Variants in ADAMTS16 observed in about 807,000 individuals in gnomAD.
ADAMTS16 encodes ADAM metallopeptidase with thrombospondin type 1 motif 16.
Under a neutral mutation model 145.8 loss-of-function variants are expected in ADAMTS16, and 94 were observed. That is an observed-to-expected ratio of 0.64 (90% CI 0.55 to 0.77). The LOEUF (loss-of-function observed/expected upper bound fraction) is 0.77, where lower values mean the gene tolerates loss of function less well. Ranked by LOEUF, ADAMTS16 falls within the 30% of genes least tolerant of loss-of-function variation. ADAMTS16 has a pLI of 0.00. For synonymous variants in ADAMTS16, 659 were observed against 604.3 expected (o/e 1.09, Z -1.33); for missense variants, 1,585 against 1,591.5 (o/e 1.00, Z 0.07).
intron 3 of ADAMTS16, among the ~76,000 whole-genome samples, chr5:5,179,801 C>A (rs987861525): frequency 6.6e-6 from 1 of 152,126 alleles, no homozygotes; most frequent in Admixed American, 6.5e-5. Flanking sequence ...AGGTCTACCC[C>A]CCATGGTGGT....
chr5:5,262,726 C>T lies in ADAMTS16; in HGVS notation c.2732C>T (p.Pro911Leu). 6.2e-7 allele frequency: 1 copy of T among 1,614,202 alleles called. No individual in the cohort carries two copies. Among genetic ancestry groups the T allele is most frequent in the African/African-American group, 1.3e-5 (1 of 75,046 alleles). The stretch of plus-strand genomic sequence containing the variant: ...CAAGTAAATATGTCCTTCTGCAATC[C>T]CAAGACACGACCTGTCACGGGGCTG... ...KFQVNMSFCN[P>L]KTRPVTGLVP... The change falls in exon 18 of 23, where the codon CCC (proline) becomes CTC (leucine). Residue 911 changes from proline (P) to leucine (L), a missense_variant. Coordinates refer to ENST00000274181, the MANE Select transcript of ADAMTS16 (RefSeq NM_139056.4).
intron 17 of ADAMTS16, among the ~76,000 whole-genome samples, chr5:5,243,813 T>G (rs1737363763): frequency 6.6e-6 from 1 of 152,214 alleles, no homozygotes; most frequent in Non-Finnish European, 1.5e-5. Context: ...GGGAACTCAG[T>G]GTTCTCAGCT....
intron 18 of ADAMTS16, among the ~76,000 whole-genome samples, chr5:5,297,743 C>T (rs941832484): frequency 2.6e-5 from 4 of 152,204 alleles, no homozygotes; most frequent in African/African-American, 9.7e-5. Flanking sequence ...GAAGATGACG[C>T]CCACAGCGCT....
Position 5,303,610 on chromosome 5 carries a change from A to AGTG in ADAMTS16, c.3032_3034dup (p.Val1011dup), listed in dbSNP as rs1426532859. ...GTGGGAAGGGGTGGAGGAAGCGGGCAGTGGCCTGTAAGAGCACCAACCCCT... is the reference window on the plus strand; with the variant it reads ...GTGGGAAGGGGTGGAGGAAGCGGGCAGTGGTGGCCTGTAAGAGCACCAACCCCT... On this transcript the variant is annotated inframe_insertion, in exon 20 of 23. Coordinates refer to ENST00000274181, the MANE Select transcript of ADAMTS16 (RefSeq NM_139056.4). 2 of 1,614,134 alleles carry AGTG rather than the reference A, an allele frequency of 1.2e-6. No individual in the cohort carries two copies. The highest frequency in any genetic ancestry group is 3.3e-5 in the Admixed American group (2 of 60,022).
intron 13 of ADAMTS16, among the ~76,000 whole-genome samples, chr5:5,236,037 C>T (rs1041955136): frequency 1.1e-4 from 17 of 152,172 alleles, no homozygotes; most frequent in African/African-American, 3.6e-4. Flanking sequence ...ATACAGGCCA[C>T]TAGGGAGGAG....
chr5:5,250,291 T>C (rs907044196), intron 17 of ADAMTS16, among the ~76,000 whole-genome samples: 1 of 152,222 alleles, frequency 6.6e-6, no homozygotes, highest in African/African-American at 2.4e-5. Context: ...AGAGAGGATT[T>C]AGGGAGAAAT....
chr5:5,225,523 A>C (rs963193310), intron 11 of ADAMTS16, among the ~76,000 whole-genome samples: 1 of 152,072 alleles, frequency 6.6e-6, no homozygotes, highest in Non-Finnish European at 1.5e-5. Context: ...GAATAACTTG[A>C]ACCCGGAGAC....
intron 21 of ADAMTS16, among the ~76,000 whole-genome samples, chr5:5,312,999 T>A (rs1740518947): frequency 6.6e-6 from 1 of 152,232 alleles, no homozygotes; most frequent in Admixed American, 6.5e-5. Context: ...ATTTAGAAAG[T>A]GGAAAACAAG....
In ADAMTS16 at chr5:5,166,243, T is replaced by TCACA. The variant is rs141620778; in HGVS notation, c.502-15784_502-15781dup. 1.4e-3 allele frequency among the ~76,000 whole-genome samples: 204 copies of TCACA among 149,644 alleles called. 2 individuals are homozygous for TCACA. Among genetic ancestry groups the TCACA allele is most frequent in the South Asian group, 8.3e-3 (39 of 4,698 alleles). On this transcript the variant is annotated intron_variant, in intron 3 of 22. Coordinates refer to ENST00000274181, the MANE Select transcript of ADAMTS16 (RefSeq NM_139056.4). ...CTCTCTCCCCCTGCCCCACTCACCA[T>TCACA]CACACACACACACACACACAAACAC... is the stretch of plus-strand genomic sequence containing the variant.
At chr5:5,229,656 G>A (rs34183202) in intron 11 of ADAMTS16, among the ~76,000 whole-genome samples, 468 of 152,248 alleles carry the variant, frequency 3.1e-3, no homozygotes, top group Middle Eastern at 0.027. Flanking sequence ...CCTGTCAAGA[G>A]GAAACTCAAG....
chr5:5,236,376 A>G (rs759085755), intron 13 of ADAMTS16, among the ~76,000 whole-genome samples: 128 of 152,164 alleles, frequency 8.4e-4, no homozygotes, highest in Non-Finnish European at 1.6e-3. Context: ...ATAAACCAAA[A>G]ACCTTGAAAT....
chr5:5,318,036 C>T, intron 21 of ADAMTS16, 98 bp from the exon 22 acceptor site: 1 of 1,248,964 alleles, frequency 8.0e-7, no homozygotes, highest in Non-Finnish European at 1.0e-6. Context: ...CCCTCACTGG[C>T]CTGCAGCAGC....
At position 5,317,499 on chromosome 5, in the gene ADAMTS16, A is replaced by G. The variant is rs1734103779; in HGVS notation, c.3412-635A>G. 6.6e-6 allele frequency among the ~76,000 whole-genome samples: 1 copy of G among 152,050 alleles called. No individual in the cohort carries two copies. Among genetic ancestry groups the G allele is most frequent in the East Asian group, 1.9e-4 (1 of 5,184 alleles). On this transcript the variant is annotated intron_variant, in intron 21 of 22. Coordinates refer to ENST00000274181, the MANE Select transcript of ADAMTS16 (RefSeq NM_139056.4). This position sits in a 1 kb window ranked among gnomAD's most constrained non-coding sequence, Gnocchi z 4.5. ...AACCTCTGCCTCCCAGGTTCAGGCG[A>G]TTCTCATGCCTCAGCTTCCCAAGTA...
At chr5:5,198,254 A>G (rs4702239) in intron 8 of ADAMTS16, among the ~76,000 whole-genome samples, 136,692 of 152,180 alleles carry the variant, frequency 0.9, 61,404 homozygotes, top group Admixed American at 0.92. Context: ...CCTCCCATTT[A>G]GGATTTCAGC....
At chr5:5,248,663 G>A (rs940551673) in intron 17 of ADAMTS16, among the ~76,000 whole-genome samples, 9 of 152,146 alleles carry the variant, frequency 5.9e-5, no homozygotes, top group East Asian at 3.9e-4. Context: ...ATAAATGTTC[G>A]GAGAAGTAAT....
At chr5:5,217,188 A>G (rs35107771) in intron 10 of ADAMTS16, among the ~76,000 whole-genome samples, 462 of 152,082 alleles carry the variant, frequency 3.0e-3, no homozygotes, top group Middle Eastern at 0.027. Flanking sequence ...TACACCTTAT[A>G]CAAAAATCAA....
chr5:5,239,404 C>A, intron 15 of ADAMTS16, 130 bp downstream of exon 15: 4 of 1,360,498 alleles, frequency 2.9e-6, no homozygotes, highest in South Asian at 1.5e-5. Flanking sequence ...CCTCAGCTGG[C>A]GCTTTGCTTC....
chr5:5,243,634 T>C (rs1199073986), intron 17 of ADAMTS16, among the ~76,000 whole-genome samples: 1 of 152,268 alleles, frequency 6.6e-6, no homozygotes, highest in African/African-American at 2.4e-5. Flanking sequence ...GAAAACTTCA[T>C]ATTTGTTTAA....
In ADAMTS16 at chr5:5,242,189, G is replaced by C. The variant is rs749459638; in HGVS notation, c.2660G>C (p.Gly887Ala). 22 of 1,613,584 alleles carry C rather than the reference G, an allele frequency of 1.4e-5. No homozygotes were observed. In the Admixed American group the frequency reaches 2.7e-4, roughly 20 times the overall value. The change falls in exon 17 of 23, where the codon GGG (glycine) becomes GCG (alanine). Residue 887 changes from glycine to alanine, a missense_variant and splice_region_variant. Physicochemically the swap from Gly to Ala is moderately conservative, Grantham distance 60 (BLOSUM62 0). This residue lies in a region of ADAMTS16 where 834 missense variants were observed against 811.7 expected (regional missense o/e 1.03). Transcript: ENST00000274181. ...TCTGAGTGCTCCGTGTCCTGCGGAG[G>C]GGGTAGGTGCCTTCCAGTGCTGCTC... ...VRSECSVSCG[G>A]GQMTVREGCY... is the part of the protein sequence containing the mutation.
Sources: gnomAD v4.1 joint callset for allele counts (sites outside exome capture counted in the v4.1 genomes callset) on GRCh38, gnomAD v4.1.1 for gene constraint, gnomAD v4.1.1 regional missense constraint, Gnocchi (gnomAD v3.1) non-coding constraint, MANE v1.5 for transcripts, NCBI Gene and HGNC (gene_info 2026-07-23, HGNC 2026-07-21) for gene names.